The following CAMSAP1 variants were observed in gnomAD, a reference collection of about 807,000 sequenced individuals.
CAMSAP1 encodes calmodulin-regulated spectrin-associated protein 1.
In CAMSAP1, 58 loss-of-function variants were observed where a neutral mutation model predicts 143.5. That is an observed-to-expected ratio of 0.40 (90% confidence interval 0.33 to 0.50). The LOEUF is 0.50. CAMSAP1 is among the 20% of genes least tolerant of loss of function. The pLI is 0.45. For missense variants in CAMSAP1, 1,969 were observed against 2,115.7 expected (o/e 0.93, Z 1.36); for synonymous variants, 945 against 859.3 (o/e 1.10, Z -1.74).
intron 4 of CAMSAP1, 84 bp downstream of exon 4, chr9:135,866,372 A>C (rs1490206529): frequency 4.1e-6 from 3 of 731,618 alleles, no homozygotes; most frequent in Non-Finnish European, 7.2e-6. Context: ...GAGAATAAGC[A>C]AATAGTGGGA....
chr9:135,850,969 C>A (rs1836759183), intron 5 of CAMSAP1, among the ~76,000 whole-genome samples: 2 of 152,212 alleles, frequency 1.3e-5, no homozygotes, highest in African/African-American at 4.8e-5. Context: ...ATGCATAGCC[C>A]AAGTCTCTTT....
At chr9:135,831,623 A>T (rs1177809433) in intron 7 of CAMSAP1, among the ~76,000 whole-genome samples, 2 of 152,184 alleles carry the variant, frequency 1.3e-5, no homozygotes, top group African/African-American at 4.8e-5. Flanking sequence ...AAAGGAAATT[A>T]TAATAAAGAT....
chr9:135,891,538 C>G (rs569754328), intron 1 of CAMSAP1, among the ~76,000 whole-genome samples: 47 of 152,322 alleles, frequency 3.1e-4, no homozygotes, highest in African/African-American at 1.1e-3. Flanking sequence ...CTGGGCTGAA[C>G]CCAATGGGGT....
At chr9:135,895,392 C>T (rs577090901) in intron 1 of CAMSAP1, among the ~76,000 whole-genome samples, 2 of 152,296 alleles carry the variant, frequency 1.3e-5, no homozygotes, top group East Asian at 3.9e-4. Context: ...GACTTCTCAT[C>T]TGAAGCTATG....
intron 1 of CAMSAP1, among the ~76,000 whole-genome samples, chr9:135,884,616 G>A (rs1369479566): frequency 6.6e-6 from 1 of 152,340 alleles, no homozygotes; most frequent in South Asian, 2.1e-4. Flanking sequence ...GATGTTAACA[G>A]ACTCAAATCC....
At chr9:135,896,016 G>A (rs1838438511) in intron 1 of CAMSAP1, among the ~76,000 whole-genome samples, 1 of 151,560 alleles carries the variant, frequency 6.6e-6, no homozygotes, top group Non-Finnish European at 1.5e-5. Flanking sequence ...ACTATAAAAT[G>A]TCAGACTCAA....
In CAMSAP1 at chr9:135,882,842, C is replaced by T. The variant is rs781626434; in HGVS notation, c.397G>A (p.Asp133Asn). 1.8e-5 allele frequency: 28 copies of T among 1,551,108 alleles called. No individual in the cohort carries two copies. The highest frequency in any genetic ancestry group is 1.7e-4 in the Middle Eastern group (1 of 6,012). Reference protein sequence around the residue: ...ESDDTPVTESDLSRAPIKMSA... With the variant: ...ESDDTPVTESNLSRAPIKMSA... ...ATTTTTATGGGTGCGCGACTGAGGT[C>T]GGACTCTGTCACGGGGGTGTCATCA... The change falls in exon 2 of 17, where the codon GAC becomes AAC. Residue 133 changes from aspartate to asparagine, a missense_variant. Coordinates refer to ENST00000389532, the MANE Select transcript of CAMSAP1 (RefSeq NM_015447.4). The surrounding 1 kb of genome is among the most constrained non-coding windows in gnomAD (Gnocchi z 4.9).
In CAMSAP1 at chr9:135,809,352, CACTG is replaced by C. The variant is rs949420797; in HGVS notation, c.*1953_*1956del. The C allele has an allele frequency of 2.6e-5, 4 of 152,236 alleles. No homozygotes were observed. The highest frequency in any genetic ancestry group is 2.6e-4 in the Admixed American group (4 of 15,282). The allele number at this position is 152,236 out of a possible 1,614,324, so 9.4% of individuals were successfully genotyped here. On this transcript the variant is annotated 3_prime_UTR_variant, in exon 17 of 17. Coordinates refer to ENST00000389532, the MANE Select transcript of CAMSAP1 (RefSeq NM_015447.4). ...AGGACAAGTTTCAGGATGTTCCACA[CACTG>C]ACTCATTCCATGGAGAAAATCCAGA...
At position 135,811,520 on chromosome 9, in the gene CAMSAP1, G is replaced by GT; in HGVS notation, c.4597dup (p.Thr1533AsnfsTer2). ...GCCAGTGAGTTTGTAGATTTCCTCA[G>GT]TATCAGGATAGTAGCAGTAAAGCGC... is the stretch of plus-strand genomic sequence containing the variant. On this transcript the variant is annotated frameshift_variant, in exon 17 of 17. Transcript: ENST00000389532. LOFTEE classifies it high-confidence loss of function. This position sits in a 1 kb window ranked among gnomAD's most constrained non-coding sequence, Gnocchi z 4.9. 1 of 1,608,818 alleles carries GT rather than the reference G, an allele frequency of 6.2e-7. No individual in the cohort carries two copies. Among genetic ancestry groups the GT allele is most frequent in the Non-Finnish European group, 8.5e-7 (1 of 1,177,304 alleles).
rs1262757201 is a variant in CAMSAP1 at position 135,882,716 on chromosome 9, C to T, written c.423+100G>A. Reference sequence around the variant, plus strand: ...AAAAGCACGGGTCTCCACCACCTCGCCGCACACCGTGTTCACACCATCCAT... The same window carrying T: ...AAAAGCACGGGTCTCCACCACCTCGTCGCACACCGTGTTCACACCATCCAT... On this transcript the variant is annotated intron_variant, in intron 2 of 16. Coordinates refer to ENST00000389532, the MANE Select transcript of CAMSAP1 (RefSeq NM_015447.4). The surrounding 1 kb of genome is among the most constrained non-coding windows in gnomAD (Gnocchi z 4.9). 2.9e-6 allele frequency: 4 copies of T among 1,393,122 alleles called. No homozygotes were observed. Among genetic ancestry groups the T allele is most frequent in the African/African-American group, 2.9e-5 (2 of 69,530 alleles). The allele number at this position is 1,393,122 out of a possible 1,614,324, so 86.3% of individuals were successfully genotyped here. A position where few individuals can be genotyped will look rare whatever the true frequency, so the allele number is the denominator to read the frequency against.
rs538639781 is a variant in CAMSAP1 at position 135,821,732 on chromosome 9, C to G, written c.2929G>C (p.Glu977Gln). 14 of 1,614,062 alleles carry G rather than the reference C, an allele frequency of 8.7e-6. No individual in the cohort carries two copies. In the South Asian group the frequency reaches 1.5e-4, roughly 18 times the overall value. Residue 977 changes from glutamate to glutamine, a missense_variant, in exon 11 of 17, where the codon GAG becomes CAG. Coordinates refer to ENST00000389532, the MANE Select transcript of CAMSAP1 (RefSeq NM_015447.4). The surrounding 1 kb of genome is among the most constrained non-coding windows in gnomAD (Gnocchi z 4.6). ...LLHEPQDVDK[E>Q]SLAFAQQHKA... is the part of the protein sequence containing the mutation. ...TGTTGCTGAGCAAAGGCCAGGCTCT[C>G]TTTGTCCACATCCTGTGGCTCGTGA...
intron 4 of CAMSAP1, among the ~76,000 whole-genome samples, chr9:135,863,004 C>A (rs776272755): frequency 6.6e-6 from 1 of 152,174 alleles, no homozygotes; most frequent in South Asian, 2.1e-4. Context: ...AACATCCTGA[C>A]GCTCAGAAGA....
intron 1 of CAMSAP1, among the ~76,000 whole-genome samples, chr9:135,891,247 C>T (rs1176390851): frequency 6.6e-6 from 1 of 152,196 alleles, no homozygotes; most frequent in African/African-American, 2.4e-5. Flanking sequence ...GCAGTGGCAG[C>T]ATGAGCAGCA....
intron 7 of CAMSAP1, among the ~76,000 whole-genome samples, chr9:135,834,566 C>T (rs1835954944): frequency 1.3e-5 from 2 of 152,294 alleles, no homozygotes; most frequent in South Asian, 2.1e-4. Context: ...AAAAATACTG[C>T]TTGATCACAC....
At chr9:135,898,520 C>T (rs1838523203) in intron 1 of CAMSAP1, among the ~76,000 whole-genome samples, 1 of 152,054 alleles carries the variant, frequency 6.6e-6, no homozygotes, top group Non-Finnish European at 1.5e-5. Flanking sequence ...TATATATATA[C>T]ACAATTAACT....
At chr9:135,883,248 C>A (rs1023113127) in intron 1 of CAMSAP1, among the ~76,000 whole-genome samples, 170 bp from the exon 2 acceptor site, 1 of 152,198 alleles carries the variant, frequency 6.6e-6, no homozygotes, top group Non-Finnish European at 1.5e-5. Flanking sequence ...CAACTAACAA[C>A]GTGAAAAGGC....
intron 1 of CAMSAP1, among the ~76,000 whole-genome samples, chr9:135,903,832 A>T (rs905174665): frequency 6.6e-6 from 1 of 152,158 alleles, no homozygotes; most frequent in African/African-American, 2.4e-5. Flanking sequence ...CAAAAGAAGA[A>T]ACAAAGCAAA....
At chr9:135,828,687 T>C (rs1364503532) in intron 7 of CAMSAP1, among the ~76,000 whole-genome samples, 2 of 152,228 alleles carry the variant, frequency 1.3e-5, no homozygotes, top group East Asian at 1.9e-4. Flanking sequence ...TAAAGGCCAG[T>C]ATCCCTGCTG....
chr9:135,873,049 A>G (rs1302373595), intron 3 of CAMSAP1, among the ~76,000 whole-genome samples: 5 of 152,268 alleles, frequency 3.3e-5, no homozygotes, highest in Non-Finnish European at 5.9e-5. Flanking sequence ...TTTCAAATGC[A>G]TATTAAACAT....
Sources: gnomAD v4.1 joint callset for allele counts (sites outside exome capture counted in the v4.1 genomes callset) on GRCh38, gnomAD v4.1.1 for gene constraint, Gnocchi (gnomAD v3.1) non-coding constraint, MANE v1.5 for transcripts, NCBI Gene and HGNC (gene_info 2026-07-23, HGNC 2026-07-21) for gene names.